RIC3: variants seen among roughly 807,000 people sequenced by gnomAD.
The protein encoded by RIC3 is RIC3 acetylcholine receptor chaperone.
RIC3 carries 28 observed loss-of-function variants against 27.3 expected under a neutral mutation model. The observed-to-expected ratio is 1.02, with a 90% confidence interval of 0.76 to 1.41. RIC3 has a LOEUF of 1.41. Ranked by LOEUF, RIC3 falls within the 40% of genes most tolerant of loss-of-function variation. The pLI is 0.00. For missense variants in RIC3, 501 were observed against 444.7 expected (o/e 1.13, Z -1.14); for synonymous variants, 184 against 160.4 (o/e 1.15, Z -1.11).
downstream of RIC3, chr11:8,101,708 T>C (rs541700351): frequency 6.6e-6 from 10 of 1,513,982 alleles, no homozygotes; most frequent in South Asian, 1.3e-5. Flanking sequence ...CCTCTGTATA[T>C]AGGCCTTCCG....
intron 2 of RIC3, chr11:8,138,549 G>T (rs955543536): frequency 2.5e-5 from 13 of 510,782 alleles, no homozygotes; most frequent in South Asian, 2.0e-4. Context: ...AAGCACAAGT[G>T]TAAAAAGTAA....
chr11:8,101,626 C>T (rs773963377), downstream of RIC3: 3 of 1,614,080 alleles, frequency 1.9e-6, no homozygotes, highest in Non-Finnish European at 2.5e-6. Context: ...GTAGAGGCCT[C>T]TTCGTGCCCT....
At chr11:8,105,317 C>CAGTCAG (rs1169408662), downstream of RIC3, 1 of 152,196 alleles carries the variant, frequency 6.6e-6, no homozygotes, top group African/African-American at 2.4e-5. Flanking sequence ...GAATGACCTG[C>CAGTCAG]AGTCAGGGCC....
chr11:8,165,753 C>T (rs1298341965), intron 1 of RIC3, among the ~76,000 whole-genome samples: 1 of 147,754 alleles, frequency 6.8e-6, no homozygotes, highest in African/African-American at 2.5e-5. Context: ...TTCTATGAAA[C>T]CTGTTTTTTG....
intron 5 of RIC3, among the ~76,000 whole-genome samples, 191 bp from the exon 6 acceptor site, chr11:8,111,328 G>C (rs1435497780): frequency 6.6e-6 from 1 of 152,204 alleles, no homozygotes; most frequent in Non-Finnish European, 1.5e-5. Flanking sequence ...CTATCCCAGT[G>C]CTCTTTGAAA....
chr11:8,093,088 A>G, the RIC3 span, among the ~76,000 whole-genome samples: 3 of 152,250 alleles, frequency 2.0e-5, no homozygotes, highest in African/African-American at 4.8e-5. Context: ...TGGAGAGACA[A>G]TGTTAAACAG....
At chr11:8,100,781 G>C in the RIC3 span, 1 of 1,606,984 alleles carries the variant, frequency 6.2e-7, no homozygotes, top group Non-Finnish European at 8.5e-7. Context: ...GGGTGGTCAT[G>C]GTGCCAAAGG....
chr11:8,113,976 G>C (rs538288670), intron 5 of RIC3, among the ~76,000 whole-genome samples: 1 of 152,114 alleles, frequency 6.6e-6, no homozygotes, highest in Admixed American at 6.5e-5. Context: ...ACAAGCACCA[G>C]GTCCATGCCT....
chr11:8,134,022 T>A (rs1267405493), intron 4 of RIC3, among the ~76,000 whole-genome samples: 1 of 151,888 alleles, frequency 6.6e-6, no homozygotes, highest in African/African-American at 2.4e-5. Context: ...ATACTTTAAG[T>A]TCTAGGGTAC....
intron 3 of RIC3, among the ~76,000 whole-genome samples, chr11:8,137,737 T>A (rs547558461): frequency 6.8e-6 from 1 of 147,480 alleles, no homozygotes; most frequent in Non-Finnish European, 1.5e-5. Flanking sequence ...TTTCCTGCAA[T>A]GCTTTTGCCA....
At chr11:8,095,691 A>AG in the RIC3 span, 1 of 1,561,956 alleles carries the variant, frequency 6.4e-7, no homozygotes, top group African/African-American at 1.4e-5. Flanking sequence ...ACCCAGTGAT[A>AG]CCCCCAAAAC....
intron 1 of RIC3, among the ~76,000 whole-genome samples, chr11:8,165,652 T>C (rs1951610912): frequency 6.6e-6 from 1 of 151,658 alleles, no homozygotes; most frequent in Non-Finnish European, 1.5e-5. Flanking sequence ...ACCCAATAAA[T>C]TGTACACTTT....
intron 1 of RIC3, among the ~76,000 whole-genome samples, chr11:8,155,499 C>T (rs1355075487): frequency 2.0e-5 from 3 of 152,082 alleles, no homozygotes; most frequent in Non-Finnish European, 2.9e-5. Context: ...TCGCTTGAAC[C>T]CGGGAGGCGG....
intron 5 of RIC3, among the ~76,000 whole-genome samples, chr11:8,123,694 T>C (rs954773060): frequency 2.6e-5 from 4 of 152,018 alleles, no homozygotes; most frequent in African/African-American, 4.8e-5. Context: ...AATGAACGAA[T>C]AGCACTATAT....
intron 4 of RIC3, among the ~76,000 whole-genome samples, chr11:8,133,901 T>G (rs1212838568): frequency 6.6e-6 from 1 of 152,094 alleles, no homozygotes; most frequent in African/African-American, 2.4e-5. Context: ...AATATCTTCA[T>G]GTTGTCTCTT....
chr11:8,133,624 G>A (rs1322518935), intron 4 of RIC3, among the ~76,000 whole-genome samples: 1 of 152,152 alleles, frequency 6.6e-6, no homozygotes, highest in Non-Finnish European at 1.5e-5. Flanking sequence ...CCACAACTCA[G>A]CATCTTATAA....
chr11:8,101,456 T>C (rs778045238), downstream of RIC3: 25 of 1,600,012 alleles, frequency 1.6e-5, no homozygotes, highest in Non-Finnish European at 2.0e-5. Context: ...TCCTGTCCTT[T>C]TCTCTGTCTG....
chr11:8,147,472 A>T (rs1183892887), intron 1 of RIC3, among the ~76,000 whole-genome samples: 1 of 152,170 alleles, frequency 6.6e-6, no homozygotes, highest in African/African-American at 2.4e-5. Context: ...AAGTGGGTGG[A>T]AAGGAGATTC....
At position 8,142,514 on chromosome 11, in the gene RIC3, C is replaced by G. The variant is rs1024043801; in HGVS notation, c.125-2321G>C. Reference sequence around the variant, plus strand: ...TCTCTGAATAGACCAGTAACAGGAGCTGAAATTGTGGCAATAATCAATAGT... The same window carrying G: ...TCTCTGAATAGACCAGTAACAGGAGGTGAAATTGTGGCAATAATCAATAGT... On this transcript the variant is annotated intron_variant, in intron 1 of 5. Transcript: ENST00000309737. Among the ~76,000 whole-genome samples, 96 of 149,378 alleles carry G rather than the reference C, an allele frequency of 6.4e-4. 1 individual carries two copies. The highest frequency in any genetic ancestry group is 2.3e-3 in the African/African-American group (91 of 40,390).
Sources: gnomAD v4.1 joint callset for allele counts (sites outside exome capture counted in the v4.1 genomes callset) on GRCh38, gnomAD v4.1.1 for gene constraint, MANE v1.5 for transcripts, NCBI Gene and HGNC (gene_info 2026-07-23, HGNC 2026-07-21) for gene names.